Variants in PMPCB observed in about 807,000 individuals in gnomAD.
The protein encoded by PMPCB is peptidase, mitochondrial processing subunit beta.
PMPCB carries 46 observed loss-of-function variants against 61.5 expected under a neutral mutation model. That is an observed-to-expected ratio of 0.75 (90% confidence interval 0.59 to 0.96). The LOEUF (loss-of-function observed/expected upper bound fraction) is 0.96, where lower values mean the gene tolerates loss of function less well. PMPCB is among the 40% of genes least tolerant of loss of function. The pLI is 0.00. For synonymous variants in PMPCB, 191 were observed against 201.6 expected, an observed-to-expected ratio of 0.95 and a Z score of 0.44; for missense variants, 590 against 602.4, an observed-to-expected ratio of 0.98 and a Z score of 0.22.
At chr7:103,297,581 C>G in intron 1 of PMPCB, 23 bp downstream of exon 1, 3 of 1,612,246 alleles carry the variant, frequency 1.9e-6, no homozygotes, top group Non-Finnish European at 1.7e-6. Context: ...CCAGGCCGGT[C>G]CTGTCCTCGA....
In PMPCB at chr7:103,303,912, A is replaced by T. The variant is rs149065163; in HGVS notation, c.528A>T (p.Gly176=). 176 of 1,613,868 alleles carry T rather than the reference A, an allele frequency of 1.1e-4. 1 individual carries two copies. In the African/African-American group the frequency reaches 2.1e-3, roughly 20 times the overall value. The change falls in exon 5 of 13, where the codon GGA becomes GGT. Residue 176 remains glycine (G), a synonymous_variant. Coordinates refer to ENST00000249269, the MANE Select transcript of PMPCB (RefSeq NM_004279.3). ...LGEAEIERER[G]VILREMQEVE... The stretch of plus-strand genomic sequence containing the variant: ...AAGCAGAGATTGAACGTGAGCGTGG[A>T]GTAATCCTTAGAGAGATGCAGGAAG...
At chr7:103,316,526 A>C (rs1818065006), downstream of PMPCB, 1 of 277,444 alleles carries the variant, frequency 3.6e-6, no homozygotes, top group South Asian at 1.1e-4. Flanking sequence ...TAAAAGAAAA[A>C]CTACAGAAAA....
Position 103,297,461 on chromosome 7 carries a change from TG to T in PMPCB, c.4del (p.Ala2?). 1.3e-6 allele frequency: 2 copies of T among 1,545,800 alleles called. No individual in the cohort carries two copies. The highest frequency in any genetic ancestry group is 1.4e-5 in the African/African-American group (1 of 72,742). ...TCCTCTACCTTCCTTCTAGCAGAAA[TG>T]GCGGCTGCGGCGGCTCGAGTGGTGT... MAAAAARVVLS... is the reference protein window; with the variant it reads XAAAAARVVLS... On this transcript the variant is annotated frameshift_variant and start_lost, in exon 1 of 13. Coordinates refer to ENST00000249269, the MANE Select transcript of PMPCB (RefSeq NM_004279.3). LOFTEE classifies it high-confidence loss of function.
chr7:103,343,595 ACT>A, the PMPCB span, among the ~76,000 whole-genome samples: 1 of 152,122 alleles, frequency 6.6e-6, no homozygotes, highest in African/African-American at 2.4e-5. Context: ...GACCACAGAA[ACT>A]CTCTGAAATT....
rs765111700 is a variant in PMPCB, at chr7:103,309,088, G to T, written c.986G>T (p.Gly329Val). ...LIGNWDRSFGGGMNLSSKLAQ... is the reference protein window; with the variant it reads ...LIGNWDRSFGVGMNLSSKLAQ... ...GGCAACTGGGATCGCTCTTTTGGGG[G>T]AGGAATGGTAAGTGATTTTAAAAGA... is the stretch of plus-strand genomic sequence containing the variant. Residue 329 changes from glycine (G) to valine (V), a missense_variant, in exon 8 of 13, where the codon GGA becomes GTA. By Grantham distance (109) the Gly-to-Val change is moderately radical. Coordinates refer to ENST00000249269, the MANE Select transcript of PMPCB (RefSeq NM_004279.3). The T allele has an allele frequency of 1.9e-6, 3 of 1,598,158 alleles. No homozygotes were observed. The South Asian group carries it at 3.4e-5, about 18-fold the overall frequency.
At chr7:103,305,478 C>T (rs1293527930) in intron 6 of PMPCB, among the ~76,000 whole-genome samples, 2 of 152,084 alleles carry the variant, frequency 1.3e-5, no homozygotes, top group Non-Finnish European at 2.9e-5. Context: ...AGGCTGGTTT[C>T]AATCTCCTGA....
the PMPCB span, chr7:103,347,385 TAGG>T: frequency 5.1e-6 from 1 of 195,978 alleles, no homozygotes; most frequent in African/African-American, 2.3e-5. Flanking sequence ...TCTTGTGTGG[TAGG>T]AGTTCTTTAT....
At chr7:103,327,887 T>C (rs1818790338) in intron 12 of PMPCB, 2 of 558,826 alleles carry the variant, frequency 3.6e-6, no homozygotes, top group South Asian at 5.1e-5. Context: ...TATATGCTTA[T>C]TCAATGTGAA....
At chr7:103,329,152 C>G in exon 13 of PMPCB, 1 of 344,608 alleles carries the variant, frequency 2.9e-6, no homozygotes, top group Admixed American at 4.5e-5. Flanking sequence ...TCTTCTGACT[C>G]TGTGTGTCAC....
At position 103,313,530 on chromosome 7, in the gene PMPCB, G is replaced by A; in HGVS notation, c.*1259G>A. 6.1e-6 allele frequency: 6 copies of A among 983,878 alleles called. No individual in the cohort carries two copies. Among genetic ancestry groups the A allele is most frequent in the Non-Finnish European group, 7.2e-6 (6 of 828,616 alleles). 60.9% of individuals were successfully genotyped at this position (983,878 alleles called of 1,614,324 possible). ...GCTTCCTCACAGTTAAACTTTTGCT[G>A]GATAGAAACCCTGGAAATCATTCTT... On this transcript the variant is annotated 3_prime_UTR_variant, in exon 13 of 13. Transcript: ENST00000249269.
chr7:103,316,950 GCTTGTCGCATA>G, downstream of PMPCB: 1 of 1,613,932 alleles, frequency 6.2e-7, no homozygotes. Flanking sequence ...GTTCTTAGAT[GCTTGTCGCATA>G]CGAGCCTCAG....
chr7:103,307,553 T>C (rs1428824437), intron 6 of PMPCB, 43 bp from the exon 7 acceptor site: 3 of 1,129,530 alleles, frequency 2.7e-6, no homozygotes, highest in Non-Finnish European at 4.1e-6. Flanking sequence ...TTGTAAACTA[T>C]ATTGCTGCTA....
rs767587829 is a variant in PMPCB at position 103,299,549 on chromosome 7, A to G, written c.327+20A>G. On this transcript the variant is annotated intron_variant, in intron 3 of 12. Coordinates refer to ENST00000249269, the MANE Select transcript of PMPCB (RefSeq NM_004279.3). ...TTCAAGGCAAGTTGTAAGACTTTAC[A>G]AAAATGCACTCTCTTTAAGAGATAA... is the stretch of plus-strand genomic sequence containing the variant. The G allele has an allele frequency of 6.9e-7, 1 of 1,440,420 alleles. No homozygotes were observed. The highest frequency in any genetic ancestry group is 9.7e-7 in the Non-Finnish European group (1 of 1,026,374). The allele number at this position is 1,440,420 out of a possible 1,614,324, so 89.2% of individuals were successfully genotyped here.
rs931826317 is a variant in PMPCB at position 103,327,698 on chromosome 7, T to C, written c.*1432-1233T>C. On this transcript the variant is annotated intron_variant and NMD_transcript_variant, in intron 12 of 12. Coordinates refer to the PMPCB transcript ENST00000444457. ...AAGTAGTCATTATCTCCTTCTTTTA[T>C]TGGTTCACCAGCTGCTTTCCGTTTG... is the stretch of plus-strand genomic sequence containing the variant. The C allele has an allele frequency of 2.5e-6, 4 of 1,613,480 alleles. No individual in the cohort carries two copies. Among genetic ancestry groups the C allele is most frequent in the Non-Finnish European group, 3.4e-6 (4 of 1,179,756 alleles).
At position 103,314,169 on chromosome 7, in the gene PMPCB, G is replaced by T; in HGVS notation, c.*1898G>T. On this transcript the variant is annotated 3_prime_UTR_variant, in exon 13 of 13. Transcript: ENST00000249269. ...AGGAAGTCTTTTGTTGAATTTCCTT[G>T]TATTGGTTTAAAGCCCTAAATACCA... 1.0e-6 allele frequency: 1 copy of T among 985,366 alleles called. No homozygotes were observed. Among genetic ancestry groups the T allele is most frequent in the Non-Finnish European group, 1.2e-6 (1 of 829,898 alleles). 61.0% of individuals were successfully genotyped at this position (985,366 alleles called of 1,614,324 possible). A position where few individuals can be genotyped will look rare whatever the true frequency, so the allele number is the denominator to read the frequency against.
At chr7:103,300,144 T>C in intron 3 of PMPCB, 34 bp from the exon 4 acceptor site, 1 of 1,587,414 alleles carries the variant, frequency 6.3e-7, no homozygotes, top group South Asian at 1.1e-5. Context: ...ATAAAGGGAG[T>C]TTGCATAATT....
the PMPCB span, chr7:103,341,661 T>G: frequency 2.1e-6 from 2 of 963,294 alleles, no homozygotes; most frequent in Non-Finnish European, 3.1e-6. Flanking sequence ...ATAGTTATCT[T>G]GCTGAATCAT....
chr7:103,336,799 T>C, the PMPCB span: 1 of 152,264 alleles, frequency 6.6e-6, no homozygotes, highest in Non-Finnish European at 1.5e-5. Context: ...CAGTTTAAAA[T>C]AATCTGATAA....
At position 103,309,157 on chromosome 7, in the gene PMPCB, T is replaced by A. The variant is rs761832294; in HGVS notation, c.993+62T>A. ...GAAGATTATCATGTTTTCTTAAATA[T>A]AAGTTCTTTGTAAGAATCCTTTTTT... is the stretch of plus-strand genomic sequence containing the variant. On this transcript the variant is annotated intron_variant, in intron 8 of 12. Transcript: ENST00000249269. 4.4e-6 allele frequency: 6 copies of A among 1,354,644 alleles called. No homozygotes were observed. In the African/African-American group the frequency reaches 5.9e-5, roughly 13 times the overall value. The allele number at this position is 1,354,644 out of a possible 1,614,324, so 83.9% of individuals were successfully genotyped here.
Sources: gnomAD v4.1 joint callset for allele counts (sites outside exome capture counted in the v4.1 genomes callset) on GRCh38, gnomAD v4.1.1 for gene constraint, MANE v1.5 for transcripts, NCBI Gene and HGNC (gene_info 2026-07-23, HGNC 2026-07-21) for gene names.